The following KPNA5 variants were observed in gnomAD, a reference collection of about 807,000 sequenced individuals.
KPNA5 encodes karyopherin subunit alpha 5, also known as importin subunit alpha-6.
Under a neutral mutation model 71.3 loss-of-function variants are expected in KPNA5, and 46 were observed. The ratio of observed to expected loss-of-function variants is 0.65; its 90% CI spans 0.51 to 0.83. KPNA5 has a LOEUF of 0.83. KPNA5 is among the 40% of genes least tolerant of loss of function. The probability of loss-of-function intolerance (pLI) is 0.00; values close to 1 mark genes in which losing one functional copy is unlikely to be tolerated. For missense variants in KPNA5, 547 were observed against 628.3 expected (o/e 0.87, Z 1.38); for synonymous variants, 207 against 201.4 (o/e 1.03, Z -0.24).
chr6:116,710,856 A>G (rs141896878), intron 7 of KPNA5, among the ~76,000 whole-genome samples: 1,303 of 128,562 alleles, frequency 0.01, 21 homozygotes, highest in Middle Eastern at 0.021. Flanking sequence ...TTCATTCTTA[A>G]TTGTAGTAAT....
chr6:116,716,699 A>G (rs1036857605), intron 8 of KPNA5, among the ~76,000 whole-genome samples: 3 of 152,208 alleles, frequency 2.0e-5, no homozygotes, highest in African/African-American at 4.8e-5. Flanking sequence ...CTGTTTCCCT[A>G]TCTACTGATA....
chr6:116,724,207 C>T (rs1779214349), intron 9 of KPNA5, 90 bp from the exon 10 acceptor site: 1 of 714,788 alleles, frequency 1.4e-6, no homozygotes. Flanking sequence ...TTTGGCTGAA[C>T]ACCCCGCAGG....
intron 7 of KPNA5, 84 bp from the exon 8 acceptor site, chr6:116,716,135 A>G: frequency 1.0e-6 from 1 of 956,638 alleles, no homozygotes; most frequent in Non-Finnish European, 1.6e-6. Context: ...TATAAAATAT[A>G]TTGGAGAGAA....
chr6:116,703,064 A>G lies in KPNA5; in HGVS notation c.567+914A>G, dbSNP rs146819671. 3.6e-3 allele frequency among the ~76,000 whole-genome samples: 541 copies of G among 152,136 alleles called. 15 individuals are homozygous for G. The South Asian group carries it at 0.06, about 17-fold the overall frequency. ...TTTTTATGGCAGTAATTATTCTTCCATGGAAATTTTACTGATTACTCAATA... is the reference window on the plus strand; with the variant it reads ...TTTTTATGGCAGTAATTATTCTTCCGTGGAAATTTTACTGATTACTCAATA... On this transcript the variant is annotated intron_variant, in intron 6 of 13. Transcript: ENST00000368564.
chr6:116,702,351 T>A (rs1778262461), intron 6 of KPNA5, among the ~76,000 whole-genome samples: 1 of 152,192 alleles, frequency 6.6e-6, no homozygotes, highest in African/African-American at 2.4e-5. Flanking sequence ...GTGAGTGTGA[T>A]CACAGCTAGC....
At chr6:116,692,503 GTTATA>G in intron 4 of KPNA5, 111 bp downstream of exon 4, 1 of 676,196 alleles carries the variant, frequency 1.5e-6, no homozygotes, top group Non-Finnish European at 2.5e-6. Context: ...AGACACAGGT[GTTATA>G]TTCTCTGCAA....
chr6:116,709,119 G>A (rs1044232980), intron 7 of KPNA5, among the ~76,000 whole-genome samples: 2 of 152,136 alleles, frequency 1.3e-5, no homozygotes, highest in African/African-American at 4.8e-5. Flanking sequence ...CAACTTTGTT[G>A]AATTTATTAA....
chr6:116,729,816 C>A (rs980947982), intron 13 of KPNA5, 75 bp downstream of exon 13: 4 of 979,260 alleles, frequency 4.1e-6, no homozygotes, highest in Non-Finnish European at 4.2e-6. Context: ...CAGTTCCCTA[C>A]AATTTTTTTG....
intron 1 of KPNA5, chr6:116,681,634 G>C (rs1165786616): frequency 3.3e-6 from 3 of 905,910 alleles, no homozygotes; most frequent in Non-Finnish European, 4.2e-6. Flanking sequence ...ACCGTTTCTC[G>C]GTAGTTCTTT....
At position 116,732,279 on chromosome 6, in the gene KPNA5, A is replaced by G. The variant is rs1779530746; in HGVS notation, c.1576A>G (p.Ile526Val). 6.5e-7 allele frequency: 1 copy of G among 1,538,508 alleles called. No homozygotes were observed. Among genetic ancestry groups the G allele is most frequent in the Non-Finnish European group, 8.8e-7 (1 of 1,140,198 alleles). Residue 526 changes from isoleucine (I) to valine (V), a missense_variant, in exon 14 of 14, where the codon ATA (isoleucine) becomes GTA (valine). Ile to Val is a conservative substitution (Grantham distance 29). Coordinates refer to ENST00000368564, the MANE Select transcript of KPNA5 (RefSeq NM_001366306.2). Reference sequence around the variant, plus strand: ...GGTGGATGAAAACCAACAACAGTTTATATTTCAGCAGCAGGAAGCACCAAT... The same window carrying G: ...GGTGGATGAAAACCAACAACAGTTTGTATTTCAGCAGCAGGAAGCACCAAT... ...PQVDENQQQF[I>V]FQQQEAPMDG...
At position 116,735,155 on chromosome 6, in the gene KPNA5, A is replaced by G. The variant is rs1286278676; in HGVS notation, c.*2832A>G. 6.6e-6 allele frequency: 1 copy of G among 151,822 alleles called. No homozygotes were observed. Among genetic ancestry groups the G allele is most frequent in the African/African-American group, 2.4e-5 (1 of 41,438 alleles). The allele number at this position is 151,822 out of a possible 1,614,324, so 9.4% of individuals were successfully genotyped here. On this transcript the variant is annotated 3_prime_UTR_variant, in exon 14 of 14. Coordinates refer to ENST00000368564, the MANE Select transcript of KPNA5 (RefSeq NM_001366306.2). The stretch of plus-strand genomic sequence containing the variant: ...GTCAACTTACTGGTAACACCAGAAC[A>G]AGAAAGCAAAAAAGTAATAAATTCT...
Position 116,724,364 on chromosome 6 carries a change from A to G in KPNA5, c.988A>G (p.Ile330Val), listed in dbSNP as rs752133060. Reference sequence around the variant, plus strand: ...TGGTAATATTGTGACTGGTGATGATATTCAAACACAGGTGAGTTCAAACTT... The same window carrying G: ...TGGTAATATTGTGACTGGTGATGATGTTCAAACACAGGTGAGTTCAAACTT... ...AVGNIVTGDD[I>V]QTQVILNCSA... is the part of the protein sequence containing the mutation. Residue 330 changes from isoleucine (I) to valine (V), a missense_variant, in exon 10 of 14, where the codon ATT becomes GTT. By Grantham distance (29) the Ile-to-Val change is conservative. Transcript: ENST00000368564. 1.9e-6 allele frequency: 3 copies of G among 1,608,950 alleles called. No individual in the cohort carries two copies. Among genetic ancestry groups the G allele is most frequent in the East Asian group, 4.5e-5 (2 of 44,800 alleles).
At chr6:116,718,112 A>G (rs1778958312) in intron 8 of KPNA5, among the ~76,000 whole-genome samples, 1 of 152,176 alleles carries the variant, frequency 6.6e-6, no homozygotes, top group South Asian at 2.1e-4. Context: ...GTGGGGGAGC[A>G]GCCCTCTCAT....
intron 8 of KPNA5, among the ~76,000 whole-genome samples, chr6:116,719,431 G>A (rs772320919): frequency 2.6e-5 from 4 of 152,154 alleles, no homozygotes; most frequent in Non-Finnish European, 4.4e-5. Context: ...TTTCTTAGAG[G>A]AACACTAAAT....
intron 6 of KPNA5, among the ~76,000 whole-genome samples, chr6:116,704,361 G>A (rs1443128343): frequency 3.3e-5 from 5 of 152,002 alleles, no homozygotes; most frequent in Admixed American, 3.3e-4. Flanking sequence ...TGTATATACA[G>A]TGGTAAGTAT....
At position 116,740,151 on chromosome 6, in the gene KPNA5, G is replaced by C. The variant is rs1402979511; in HGVS notation, c.*7828G>C. 3 of 151,372 alleles carry C rather than the reference G, an allele frequency of 2.0e-5. No individual in the cohort carries two copies. The highest frequency in any genetic ancestry group is 4.4e-5 in the Non-Finnish European group (3 of 67,756). The allele number at this position is 151,372 out of a possible 1,614,324, so 9.4% of individuals were successfully genotyped here. ...ACAATGAACTCAAACAAATTTACAAGAAAAAAACAACCCCATCAAAAAGTG... is the reference window on the plus strand; with the variant it reads ...ACAATGAACTCAAACAAATTTACAACAAAAAAACAACCCCATCAAAAAGTG... On this transcript the variant is annotated 3_prime_UTR_variant, in exon 14 of 14. Coordinates refer to ENST00000368564, the MANE Select transcript of KPNA5 (RefSeq NM_001366306.2).
chr6:116,732,072 GTTTATATATATA>G, intron 13 of KPNA5, 52 bp from the exon 14 acceptor site: 2 of 69,250 alleles, frequency 2.9e-5, no homozygotes, highest in Non-Finnish European at 5.2e-5. Context: ...GTAACAGTTT[GTTTATATATATA>G]TATATATATA....
In KPNA5 at chr6:116,732,691, C is replaced by T. The variant is rs1257068839; in HGVS notation, c.*368C>T. On this transcript the variant is annotated 3_prime_UTR_variant, in exon 14 of 14. Coordinates refer to ENST00000368564, the MANE Select transcript of KPNA5 (RefSeq NM_001366306.2). Reference sequence around the variant, plus strand: ...TTGGAAACTGCACATTAGCAGTAAACCTATTGATAATTGCATTTTGGCAGT... The same window carrying T: ...TTGGAAACTGCACATTAGCAGTAAATCTATTGATAATTGCATTTTGGCAGT... The T allele has an allele frequency of 6.5e-6, 1 of 152,684 alleles. No homozygotes were observed. Among genetic ancestry groups the T allele is most frequent in the Non-Finnish European group, 1.5e-5 (1 of 68,436 alleles). The allele number at this position is 152,684 out of a possible 1,614,324, so 9.5% of individuals were successfully genotyped here.
At chr6:116,689,852 A>G (rs1330112108) in intron 2 of KPNA5, among the ~76,000 whole-genome samples, 3 of 152,194 alleles carry the variant, frequency 2.0e-5, no homozygotes, top group Non-Finnish European at 4.4e-5. Context: ...CATGCTATTC[A>G]TACTGTTCCC....
Sources: allele counts gnomAD v4.1 joint callset (sites outside exome capture counted in the v4.1 genomes callset), GRCh38; gene constraint gnomAD v4.1.1; transcripts MANE v1.5; gene names NCBI Gene and HGNC (gene_info 2026-07-23, HGNC 2026-07-21).